The following PPP1R18 variants were observed in gnomAD, a reference collection of about 807,000 sequenced individuals.
PPP1R18 encodes the protein protein phosphatase 1 regulatory subunit 18.
Under a neutral mutation model 54.8 loss-of-function variants are expected in PPP1R18, and 31 were observed. That is an observed-to-expected ratio of 0.57 (90% CI 0.43 to 0.76). PPP1R18 has a LOEUF of 0.76. Ranked by LOEUF, PPP1R18 falls within the 30% of genes least tolerant of loss-of-function variation. The pLI is 0.00. For missense variants in PPP1R18, 685 were observed against 776.1 expected (o/e 0.88, Z 1.39); for synonymous variants, 310 against 320.2 (o/e 0.97, Z 0.34).
Position 30,677,067 on chromosome 6 carries a change from C to T in PPP1R18, c.*202G>A, listed in dbSNP as rs1270195899. 5.7e-6 allele frequency: 4 copies of T among 705,454 alleles called. No homozygotes were observed. The highest frequency in any genetic ancestry group is 1.0e-5 in the Non-Finnish European group (4 of 385,606). The allele number at this position is 705,454 out of a possible 1,614,324, so 43.7% of individuals were successfully genotyped here. On this transcript the variant is annotated 3_prime_UTR_variant, in exon 3 of 3. Transcript: ENST00000274853. Reference sequence around the variant, plus strand: ...GGATGCACCAGCACGTTTAACCCCACCCACACCAGGGACTTTGGATTAGGG... The same window carrying T: ...GGATGCACCAGCACGTTTAACCCCATCCACACCAGGGACTTTGGATTAGGG...
chr6:30,682,290 T>C (rs1770590971), intron 1 of PPP1R18, among the ~76,000 whole-genome samples: 1 of 152,036 alleles, frequency 6.6e-6, no homozygotes, highest in Admixed American at 6.6e-5. Context: ...AAGGTCACAA[T>C]GGGGCTGGTC....
chr6:30,685,896 TC>T lies in PPP1R18; in HGVS notation c.122del (p.Arg41GlnfsTer22). ...ERLSQMPAWK[R>X]GLLERRRAKL... ...TGGCCCGGCGGCGCTCCAGGAGCCC[TC>T]GTTTCCAGGCTGGCATCTGGGACAG... On this transcript the variant is annotated frameshift_variant, in exon 1 of 3. Transcript: ENST00000274853. LOFTEE classifies it high-confidence loss of function. The surrounding 1 kb of genome is among the most constrained non-coding windows in gnomAD (Gnocchi z 5.0). 6.2e-7 allele frequency: 1 copy of T among 1,610,700 alleles called. No homozygotes were observed. Among genetic ancestry groups the T allele is most frequent in the South Asian group, 1.1e-5 (1 of 91,084 alleles).
chr6:30,688,283 T>G, upstream of PPP1R18: 3 of 233,324 alleles, frequency 1.3e-5, no homozygotes, highest in Non-Finnish European at 1.7e-5. The surrounding 1 kb of genome is among the most constrained non-coding windows in gnomAD (Gnocchi z 5.9). Context: ...CTTCTTGGAG[T>G]GGAAGCCAGC....
chr6:30,685,173 C>A lies in PPP1R18; in HGVS notation c.846G>T (p.Trp282Cys). ...CTTTTGGAGCTACCCCTGGAACTGGCCACTCTTCTTTTCTCCCACATTCTT... is the reference window on the plus strand; with the variant it reads ...CTTTTGGAGCTACCCCTGGAACTGGACACTCTTCTTTTCTCCCACATTCTT... ...YSEECGRKEE[W>C]PVPGVAPKET... is the part of the protein sequence containing the mutation. Residue 282 changes from tryptophan (W) to cysteine (C), a missense_variant, in exon 1 of 3, where the codon TGG becomes TGT. By Grantham distance (215) the Trp-to-Cys change is radical. Coordinates refer to ENST00000274853, the MANE Select transcript of PPP1R18 (RefSeq NM_133471.4). The surrounding 1 kb of genome is among the most constrained non-coding windows in gnomAD (Gnocchi z 5.0). 6.2e-7 allele frequency: 1 copy of A among 1,613,082 alleles called. No individual in the cohort carries two copies. Among genetic ancestry groups the A allele is most frequent in the Non-Finnish European group, 8.5e-7 (1 of 1,180,030 alleles).
chr6:30,681,130 C>T (rs1236550295), intron 1 of PPP1R18, among the ~76,000 whole-genome samples: 1 of 151,580 alleles, frequency 6.6e-6, no homozygotes, highest in East Asian at 1.9e-4. Context: ...CCCAAGGTGC[C>T]CAGAGCCTGA....
upstream of PPP1R18, chr6:30,687,249 C>T: frequency 6.6e-6 from 1 of 152,016 alleles, no homozygotes; most frequent in Non-Finnish European, 1.5e-5. The surrounding 1 kb of genome is among the most constrained non-coding windows in gnomAD (Gnocchi z 7.9). Context: ...GGGAAAGAGG[C>T]AGCAAAGGAG....
chr6:30,686,743 C>T (rs1770983519), upstream of PPP1R18: 1 of 149,652 alleles, frequency 6.7e-6, no homozygotes, highest in South Asian at 2.1e-4. Context: ...CGAGGCGGGT[C>T]GGGGGAAATA....
In PPP1R18 at chr6:30,685,971, C is replaced by T. The variant is rs752933185; in HGVS notation, c.48G>A (p.Arg16=). 22 of 1,596,998 alleles carry T rather than the reference C, an allele frequency of 1.4e-5. No homozygotes were observed. Among genetic ancestry groups the T allele is most frequent in the Non-Finnish European group, 1.8e-5 (21 of 1,176,474 alleles). Residue 16 remains arginine (R), a synonymous_variant, in exon 1 of 3, where the codon CGG becomes CGA. Transcript: ENST00000274853. The surrounding 1 kb of genome is among the most constrained non-coding windows in gnomAD (Gnocchi z 5.0). ...DWKLQLLARR[R]QEEASVRGRE... is the part of the protein sequence containing the mutation. ...GGCCTCGAACGGACGCCTCCTCCTG[C>T]CGGCGCCGGGCTAGCAGCTGTAGCT...
Position 30,685,543 on chromosome 6 carries a change from G to A in PPP1R18, c.476C>T (p.Ala159Val). 1 of 1,612,770 alleles carries A rather than the reference G, an allele frequency of 6.2e-7. No individual in the cohort carries two copies. Among genetic ancestry groups the A allele is most frequent in the East Asian group, 2.2e-5 (1 of 44,876 alleles). The change falls in exon 1 of 3, where the codon GCC becomes GTC. Residue 159 changes from alanine (A) to valine (V), a missense_variant. Physicochemically the swap from Ala to Val is moderately conservative, Grantham distance 64. Transcript: ENST00000274853. The surrounding 1 kb of genome is among the most constrained non-coding windows in gnomAD (Gnocchi z 5.0). ...TRERRLGIGG[A>V]QELSLRPLEA... Reference sequence around the variant, plus strand: ...CAGAGGCCTCAGGCTCAACTCTTGGGCTCCCCCTATCCCCAGCCTCCTCTC... The same window carrying A: ...CAGAGGCCTCAGGCTCAACTCTTGGACTCCCCCTATCCCCAGCCTCCTCTC...
Position 30,684,694 on chromosome 6 carries a change from TG to T in PPP1R18, c.1324del (p.Gln442AsnfsTer8). On this transcript the variant is annotated frameshift_variant, in exon 1 of 3. Coordinates refer to ENST00000274853, the MANE Select transcript of PPP1R18 (RefSeq NM_133471.4). LOFTEE classifies it high-confidence loss of function. The surrounding 1 kb of genome is among the most constrained non-coding windows in gnomAD (Gnocchi z 6.0). ...SPPPPAPTAP[Q>X]PPGDPLMSRL... ...GCTCATGAGGGGATCCCCAGGAGGT[TG>T]GGGGGCAGTTGGGGCTGGGGGTGGG... is the stretch of plus-strand genomic sequence containing the variant. The T allele has an allele frequency of 1.7e-6, 2 of 1,199,230 alleles. No homozygotes were observed. Among genetic ancestry groups the T allele is most frequent in the Non-Finnish European group, 1.1e-6 (1 of 922,022 alleles). 74.3% of individuals were successfully genotyped at this position (1,199,230 alleles called of 1,614,324 possible).
chr6:30,679,196 G>C lies in PPP1R18; in HGVS notation c.1805C>G (p.Thr602Ser). 1 of 1,592,768 alleles carries C rather than the reference G, an allele frequency of 6.3e-7. No homozygotes were observed. ...LQPELQGGLR[T>S]KALIVDESCR... ...CCGCTTACCCACAATCAGGGCCTTG[G>C]TGCGCAGCCCGCCCTGGAGCTCTGG... Residue 602 changes from threonine (T) to serine (S), a missense_variant, in exon 2 of 3, where the codon ACC becomes AGC. Thr to Ser is a moderately conservative substitution (Grantham distance 58). Transcript: ENST00000274853.
rs760575940 is a variant in PPP1R18, at chr6:30,684,814, G to C, written c.1205C>G (p.Pro402Arg). The C allele has an allele frequency of 1.9e-6, 3 of 1,611,920 alleles. No homozygotes were observed. The highest frequency in any genetic ancestry group is 1.1e-5 in the South Asian group (1 of 91,052). Residue 402 changes from proline (P) to arginine (R), a missense_variant, in exon 1 of 3, where the codon CCC becomes CGC. Physicochemically the swap from Pro to Arg is moderately radical, Grantham distance 103. Coordinates refer to ENST00000274853, the MANE Select transcript of PPP1R18 (RefSeq NM_133471.4). This position sits in a 1 kb window ranked among gnomAD's most constrained non-coding sequence, Gnocchi z 6.0. ...ALQNCCSVPS[P>R]LPPEDAGTGG... Reference sequence around the variant, plus strand: ...AGTCCCAGCGTCCTCTGGTGGGAGGGGGGAGGGCACAGAGCAGCAGTTCTG... The same window carrying C: ...AGTCCCAGCGTCCTCTGGTGGGAGGCGGGAGGGCACAGAGCAGCAGTTCTG...
rs1188393515 is a variant in PPP1R18, at chr6:30,684,761, C to T, written c.1258G>A (p.Ala420Thr). The change falls in exon 1 of 3, where the codon GCA (alanine) becomes ACA (threonine). Residue 420 changes from alanine (A) to threonine (T), a missense_variant. Transcript: ENST00000274853. This position sits in a 1 kb window ranked among gnomAD's most constrained non-coding sequence, Gnocchi z 6.0. ...TGGLRQQEEE[A>T]VELQPPPPAP... is the part of the protein sequence containing the mutation. Reference sequence around the variant, plus strand: ...GGTGGTGGGGGCTGGAGCTCCACTGCTTCCTCTTCCTGCTGTCTCAGGCCT... The same window carrying T: ...GGTGGTGGGGGCTGGAGCTCCACTGTTTCCTCTTCCTGCTGTCTCAGGCCT... 2 of 1,586,936 alleles carry T rather than the reference C, an allele frequency of 1.3e-6. No individual in the cohort carries two copies. The highest frequency in any genetic ancestry group is 1.4e-5 in the African/African-American group (1 of 74,048).
Position 30,686,007 on chromosome 6 carries a change from G to A in PPP1R18, c.12C>T (p.Ile4=). 3 of 1,571,820 alleles carry A rather than the reference G, an allele frequency of 1.9e-6. No homozygotes were observed. Among genetic ancestry groups the A allele is most frequent in the Non-Finnish European group, 2.6e-6 (3 of 1,165,510 alleles). The change falls in exon 1 of 3, where the codon ATC becomes ATT. Residue 4 remains isoleucine, a synonymous_variant. Transcript: ENST00000274853. MAT[I]PDWKLQLLAR... ...CTAGCAGCTGTAGCTTCCAGTCTGG[G>A]ATGGTGGCCATGGTCGTCTTGAGGT...
intron 2 of PPP1R18, among the ~76,000 whole-genome samples, chr6:30,678,680 C>A (rs1770348204): frequency 2.0e-5 from 3 of 152,074 alleles, no homozygotes; most frequent in South Asian, 2.1e-4. Context: ...GCCCGGCCCA[C>A]ACCTGGATAA....
Position 30,683,626 on chromosome 6 carries a change from CAG to C in PPP1R18, c.1611+780_1611+781del, listed in dbSNP as rs1339987737. On this transcript the variant is annotated intron_variant, in intron 1 of 2. Coordinates refer to ENST00000274853, the MANE Select transcript of PPP1R18 (RefSeq NM_133471.4). This position sits in a 1 kb window ranked among gnomAD's most constrained non-coding sequence, Gnocchi z 5.1. Reference sequence around the variant, plus strand: ...GGAGGGGAAACCCAGGGAGGAAGGACAGGGGAGTGAGGGGCGGGGGTATTTTG... The same window carrying C: ...GGAGGGGAAACCCAGGGAGGAAGGACGGGAGTGAGGGGCGGGGGTATTTTG... Among the ~76,000 whole-genome samples, 1 of 152,156 alleles carries C rather than the reference CAG, an allele frequency of 6.6e-6. No homozygotes were observed. Among genetic ancestry groups the C allele is most frequent in the Non-Finnish European group, 1.5e-5 (1 of 68,006 alleles).
At chr6:30,678,376 A>ATTT (rs35334385) in intron 2 of PPP1R18, among the ~76,000 whole-genome samples, 1 of 137,196 alleles carries the variant, frequency 7.3e-6, no homozygotes, top group Non-Finnish European at 1.6e-5. Context: ...CACCTGGCTA[A>ATTT]TTTTTTTTTT....
Position 30,685,111 on chromosome 6 carries a change from G to A in PPP1R18, c.908C>T (p.Ala303Val), listed in dbSNP as rs969597322. The A allele has an allele frequency of 6.2e-6, 10 of 1,613,132 alleles. No individual in the cohort carries two copies. The highest frequency in any genetic ancestry group is 7.6e-6 in the Non-Finnish European group (9 of 1,180,010). ...AELSETLTRE[A>V]QGNSSAGVEA... ...CACTCCTGCGGAACTGTTGCCTTGG[G>A]CCTCCCTTGTCAGGGTCTCGGACAG... The change falls in exon 1 of 3, where the codon GCC becomes GTC. Residue 303 changes from alanine (A) to valine (V), a missense_variant. Physicochemically the swap from Ala to Val is moderately conservative, Grantham distance 64. Transcript: ENST00000274853. The surrounding 1 kb of genome is among the most constrained non-coding windows in gnomAD (Gnocchi z 5.0).
chr6:30,677,832 G>C (rs1770281701), intron 2 of PPP1R18, among the ~76,000 whole-genome samples: 1 of 151,970 alleles, frequency 6.6e-6, no homozygotes, highest in African/African-American at 2.4e-5. Flanking sequence ...AGGCGACAGA[G>C]GGAGACGCTG....
Sources: gnomAD v4.1 joint callset for allele counts (sites outside exome capture counted in the v4.1 genomes callset) on GRCh38, gnomAD v4.1.1 for gene constraint, Gnocchi (gnomAD v3.1) non-coding constraint, MANE v1.5 for transcripts, NCBI Gene and HGNC (gene_info 2026-07-23, HGNC 2026-07-21) for gene names.